The following LRRTM4 variants were observed in gnomAD, a reference collection of about 807,000 sequenced individuals.
LRRTM4 encodes leucine-rich repeat transmembrane neuronal protein 4.
LRRTM4 carries 25 observed loss-of-function variants against 47.6 expected under a neutral mutation model. That is an observed-to-expected ratio of 0.53 (90% CI 0.38 to 0.73). The LOEUF is 0.73. Among genes scored for constraint, LRRTM4 ranks in the 30% least tolerant of loss-of-function variants. LRRTM4 has a pLI of 0.00. For synonymous variants in LRRTM4, 311 were observed against 269.5 expected, an observed-to-expected ratio of 1.15 and a Z score of -1.51; for missense variants, 638 against 713.4, an observed-to-expected ratio of 0.89 and a Z score of 1.20.
chr2:76,798,555 G>A (rs1361139164), intron 3 of LRRTM4, among the ~76,000 whole-genome samples: 1 of 150,088 alleles, frequency 6.7e-6, no homozygotes, highest in East Asian at 2.0e-4. Flanking sequence ...AAAAGCAAGA[G>A]CAAACACATT....
At chr2:77,123,217 G>C (rs1439262079) in intron 3 of LRRTM4, among the ~76,000 whole-genome samples, 1 of 150,490 alleles carries the variant, frequency 6.6e-6, no homozygotes, top group Non-Finnish European at 1.5e-5. Context: ...GTCTCACAGA[G>C]AGAGAGAGAG....
At chr2:77,066,661 G>A (rs765266151) in intron 3 of LRRTM4, among the ~76,000 whole-genome samples, 1 of 152,018 alleles carries the variant, frequency 6.6e-6, no homozygotes, top group Non-Finnish European at 1.5e-5. Context: ...TGTAGAGAGA[G>A]GTATACAAAT....
At chr2:77,471,925 T>G (rs1558759102) in intron 3 of LRRTM4, among the ~76,000 whole-genome samples, 2 of 152,168 alleles carry the variant, frequency 1.3e-5, no homozygotes, top group South Asian at 2.1e-4. Context: ...CTCACTGAAG[T>G]GCACTTGTAA....
chr2:77,456,532 C>T (rs1419370256), intron 3 of LRRTM4, among the ~76,000 whole-genome samples: 1 of 152,016 alleles, frequency 6.6e-6, no homozygotes, highest in Non-Finnish European at 1.5e-5. Flanking sequence ...CTCCAACATG[C>T]TCATTCTCTC....
intron 3 of LRRTM4, among the ~76,000 whole-genome samples, chr2:77,419,479 T>C (rs1309183270): frequency 6.6e-6 from 1 of 152,228 alleles, no homozygotes. Context: ...TCTAGATTAC[T>C]TATAATACTT....
intron 3 of LRRTM4, among the ~76,000 whole-genome samples, chr2:77,119,460 A>T (rs1671471741): frequency 6.6e-6 from 1 of 151,854 alleles, no homozygotes; most frequent in Non-Finnish European, 1.5e-5. Context: ...ATCTAAGAGC[A>T]ATTAAGATAA....
At chr2:77,284,954 G>C (rs1422976175) in intron 3 of LRRTM4, among the ~76,000 whole-genome samples, 1 of 152,066 alleles carries the variant, frequency 6.6e-6, no homozygotes, top group Non-Finnish European at 1.5e-5. Flanking sequence ...GTGTCCAACA[G>C]TGAGAGGTGA....
At chr2:76,877,525 G>A (rs559290566) in intron 3 of LRRTM4, among the ~76,000 whole-genome samples, 1 of 151,398 alleles carries the variant, frequency 6.6e-6, no homozygotes, top group Non-Finnish European at 1.5e-5. Context: ...TTTAAATCAA[G>A]GTACAATGGT....
At chr2:76,942,737 A>G (rs1279825419) in intron 3 of LRRTM4, among the ~76,000 whole-genome samples, 1 of 148,912 alleles carries the variant, frequency 6.7e-6, no homozygotes, top group Non-Finnish European at 1.5e-5. Flanking sequence ...ATACATTTTT[A>G]AGTTTTTAGT....
intron 3 of LRRTM4, among the ~76,000 whole-genome samples, chr2:76,873,504 GTGTATATATATATA>G (rs1196721135): frequency 1.4e-4 from 10 of 73,198 alleles, no homozygotes; most frequent in African/African-American, 3.8e-4. Flanking sequence ...ATATATATGT[GTGTATATATATATA>G]TATATATATA....
Position 77,508,397 on chromosome 2 carries a change from A to G in LRRTM4, c.1551+9921T>C, listed in dbSNP as rs538244043. On this transcript the variant is annotated intron_variant, in intron 3 of 3. Transcript: ENST00000409884. ...GAATTTTAGCTCAGATCCATCTCAC[A>G]GTGAGAATCCAAGCCGTGTTATTTC... 5.9e-4 allele frequency among the ~76,000 whole-genome samples: 90 copies of G among 152,310 alleles called. 1 individual carries two copies. Among genetic ancestry groups the G allele is most frequent in the African/African-American group, 2.0e-3 (82 of 41,588 alleles).
At chr2:77,493,219 A>C in intron 3 of LRRTM4, among the ~76,000 whole-genome samples, 1 of 152,128 alleles carries the variant, frequency 6.6e-6, no homozygotes, top group East Asian at 1.9e-4. Context: ...TTTAAAAACT[A>C]AAATTTGCTC....
At chr2:77,151,331 A>G (rs371467222) in intron 3 of LRRTM4, among the ~76,000 whole-genome samples, 2 of 152,142 alleles carry the variant, frequency 1.3e-5, no homozygotes, top group African/African-American at 4.8e-5. Context: ...ATTCCCCCAC[A>G]ATCTCAATCC....
intron 3 of LRRTM4, among the ~76,000 whole-genome samples, chr2:77,313,589 C>A (rs1677535364): frequency 6.6e-6 from 1 of 152,164 alleles, no homozygotes; most frequent in African/African-American, 2.4e-5. Context: ...CCCTGAGCAC[C>A]CTTCCTAGTT....
At chr2:76,908,383 A>G (rs1175217273) in intron 3 of LRRTM4, among the ~76,000 whole-genome samples, 2 of 151,906 alleles carry the variant, frequency 1.3e-5, no homozygotes, top group Non-Finnish European at 2.9e-5. Context: ...CACAGCCAAT[A>G]TCATACTGAA....
intron 3 of LRRTM4, among the ~76,000 whole-genome samples, chr2:76,888,029 CTGTG>C (rs922369375): frequency 5.4e-5 from 8 of 149,358 alleles, no homozygotes; most frequent in Non-Finnish European, 9.0e-5. Context: ...TCTGCACACA[CTGTG>C]TGTGTGTATA....
In LRRTM4 at chr2:77,212,472, T is replaced by TAGAGAG. The variant is rs1271209383; in HGVS notation, c.1551+305845_1551+305846insCTCTCT. ...AGTGGAATAATTATATATATATATA[T>TAGAGAG]ATAGAGAGAGAGAGAGAGAGAGCGA... On this transcript the variant is annotated intron_variant, in intron 3 of 3. Transcript: ENST00000409884. Among the ~76,000 whole-genome samples the TAGAGAG allele has an allele frequency of 9.0e-5, 13 of 144,440 alleles. No individual in the cohort carries two copies. The Admixed American group carries it at 9.1e-4, about 10-fold the overall frequency. The allele number at this position is 144,440 out of a possible 152,430, so 94.8% of individuals were successfully genotyped here.
intron 3 of LRRTM4, among the ~76,000 whole-genome samples, chr2:77,049,759 T>C (rs990950819): frequency 2.0e-5 from 3 of 151,868 alleles, no homozygotes; most frequent in African/African-American, 7.3e-5. Flanking sequence ...ACTCTGTTTA[T>C]TGTTTTCCTT....
intron 3 of LRRTM4, among the ~76,000 whole-genome samples, chr2:77,006,066 A>T (rs926776154): frequency 1.3e-5 from 2 of 152,208 alleles, no homozygotes; most frequent in African/African-American, 2.4e-5. Flanking sequence ...AAATGAATAC[A>T]TAAATCGAAA....
Sources: gnomAD v4.1 joint callset for allele counts (sites outside exome capture counted in the v4.1 genomes callset) on GRCh38, gnomAD v4.1.1 for gene constraint, MANE v1.5 for transcripts, NCBI Gene and HGNC (gene_info 2026-07-23, HGNC 2026-07-21) for gene names.